The following CACNA2D3 variants were observed in gnomAD, a reference collection of about 807,000 sequenced individuals.
CACNA2D3 encodes calcium voltage-gated channel auxiliary subunit alpha2delta 3.
A neutral mutation model predicts 160.6 loss-of-function variants in CACNA2D3; 60 were observed. That is an observed-to-expected ratio of 0.37 (90% confidence interval 0.30 to 0.46). The LOEUF (loss-of-function observed/expected upper bound fraction) is 0.46. CACNA2D3 is among the 20% of genes least tolerant of loss of function. CACNA2D3 has a pLI of 1.00. For synonymous variants in CACNA2D3, 558 were observed against 492.9 expected, an observed-to-expected ratio of 1.13 and a Z score of -1.75; for missense variants, 1,205 against 1,365.0, an observed-to-expected ratio of 0.88 and a Z score of 1.85.
intron 3 of CACNA2D3, among the ~76,000 whole-genome samples, chr3:54,323,770 C>A (rs1356319218): frequency 6.6e-6 from 1 of 152,082 alleles, no homozygotes; most frequent in Non-Finnish European, 1.5e-5. Flanking sequence ...TGGGCCCCCA[C>A]CCCGCTATTT....
chr3:54,215,992 T>A lies in CACNA2D3; in HGVS notation c.204+92398T>A, dbSNP rs539456237. Among the ~76,000 whole-genome samples the A allele has an allele frequency of 1.3e-5, 2 of 152,316 alleles. 1 individual carries two copies. The highest frequency in any genetic ancestry group is 4.1e-4 in the South Asian group (2 of 4,830). On this transcript the variant is annotated intron_variant, in intron 2 of 37. Coordinates refer to ENST00000474759, the MANE Select transcript of CACNA2D3 (RefSeq NM_018398.3). ...TGTGTGTCCTCTTTAATGTTCTTAG[T>A]TGGTTAAATAAAAACCCGTCAGTCC...
chr3:54,626,611 G>A (rs924294818), intron 9 of CACNA2D3: 93 of 1,427,266 alleles, frequency 6.5e-5, no homozygotes, highest in Middle Eastern at 2.0e-4. Context: ...GCCCGGCATC[G>A]GGGCCAGCCA....
At chr3:54,223,737 G>A (rs529254210) in intron 2 of CACNA2D3, among the ~76,000 whole-genome samples, 83 of 151,266 alleles carry the variant, frequency 5.5e-4, no homozygotes, top group East Asian at 1.8e-3. Flanking sequence ...GCTGAATCCC[G>A]TCTACTCAGG....
At chr3:54,687,307 A>ATTTT (rs35541501) in intron 11 of CACNA2D3, among the ~76,000 whole-genome samples, 1 of 128,004 alleles carries the variant, frequency 7.8e-6, no homozygotes, top group Admixed American at 7.9e-5. Flanking sequence ...AGCCTGGCTA[A>ATTTT]TTTTTTTTTT....
intron 10 of CACNA2D3, among the ~76,000 whole-genome samples, chr3:54,629,279 G>C (rs192514052): frequency 6.6e-6 from 1 of 152,038 alleles, no homozygotes; most frequent in Admixed American, 6.5e-5. Flanking sequence ...CCAGGCAGGT[G>C]AGTCATTCAC....
At chr3:54,910,788 C>T (rs1488028359) in intron 27 of CACNA2D3, among the ~76,000 whole-genome samples, 14 of 152,212 alleles carry the variant, frequency 9.2e-5, no homozygotes, top group Non-Finnish European at 2.1e-4. Flanking sequence ...GTCCTGATTG[C>T]ATTCACACCC....
intron 2 of CACNA2D3, among the ~76,000 whole-genome samples, chr3:54,221,021 G>T (rs1387946667): frequency 3.3e-5 from 5 of 152,182 alleles, no homozygotes; most frequent in Non-Finnish European, 7.3e-5. Flanking sequence ...AGGTGAGGAA[G>T]AATTTGCTAT....
intron 14 of CACNA2D3, among the ~76,000 whole-genome samples, chr3:54,823,819 T>C (rs749891734): frequency 2.0e-5 from 3 of 152,220 alleles, no homozygotes; most frequent in Non-Finnish European, 4.4e-5. Context: ...AGTGGCTATT[T>C]CCTAGTGGTA....
intron 13 of CACNA2D3, among the ~76,000 whole-genome samples, chr3:54,809,951 ACAC>A (rs1451348365): frequency 6.6e-6 from 1 of 152,236 alleles, no homozygotes; most frequent in Non-Finnish European, 1.5e-5. Context: ...GAGGAAGATT[ACAC>A]AGTGCAACAA....
intron 25 of CACNA2D3, chr3:54,894,895 A>C: frequency 6.3e-6 from 2 of 318,930 alleles, no homozygotes; most frequent in Non-Finnish European, 1.3e-5. Context: ...CCTGATCTCC[A>C]GCATTCTAGA....
chr3:54,667,010 C>A (rs561494700), intron 11 of CACNA2D3, among the ~76,000 whole-genome samples: 1 of 152,302 alleles, frequency 6.6e-6, no homozygotes, highest in South Asian at 2.1e-4. Flanking sequence ...GTCAGAAGAG[C>A]CATTCATGAA....
intron 17 of CACNA2D3, among the ~76,000 whole-genome samples, chr3:54,861,513 GA>G (rs1166945372): frequency 6.6e-6 from 1 of 152,126 alleles, no homozygotes; most frequent in African/African-American, 2.4e-5. Context: ...AGGACATGAG[GA>G]GCTATGAGGA....
chr3:54,821,634 GTCTTTCGTTCTT>G (rs1435831039), intron 14 of CACNA2D3, among the ~76,000 whole-genome samples: 104 of 140,496 alleles, frequency 7.4e-4, no homozygotes, highest in African/African-American at 1.0e-3. Context: ...TTTTTCTAGA[GTCTTTCGTTCTT>G]TCTTTCTTTC....
intron 21 of CACNA2D3, among the ~76,000 whole-genome samples, chr3:54,881,373 C>A (rs1029011854): frequency 6.6e-6 from 1 of 152,140 alleles, no homozygotes; most frequent in African/African-American, 2.4e-5. Flanking sequence ...GAAATGTGAC[C>A]ATTTAAATGA....
chr3:54,583,509 G>A (rs1305511563), intron 9 of CACNA2D3, among the ~76,000 whole-genome samples: 1 of 152,126 alleles, frequency 6.6e-6, no homozygotes, highest in African/African-American at 2.4e-5. Flanking sequence ...ACAAGTATAG[G>A]TTGAGTATTC....
chr3:54,448,726 T>C (rs1359487051), intron 4 of CACNA2D3, among the ~76,000 whole-genome samples: 1 of 152,256 alleles, frequency 6.6e-6, no homozygotes, highest in African/African-American at 2.4e-5. Context: ...ATTGTGTTTG[T>C]GAACCCAGTG....
chr3:54,153,479 A>C (rs1700187420), intron 2 of CACNA2D3, among the ~76,000 whole-genome samples: 1 of 152,248 alleles, frequency 6.6e-6, no homozygotes, highest in Non-Finnish European at 1.5e-5. Context: ...AGTATCTGCC[A>C]TGTGTTAGGC....
At chr3:54,365,858 T>C (rs937923702) in intron 3 of CACNA2D3, among the ~76,000 whole-genome samples, 1 of 152,060 alleles carries the variant, frequency 6.6e-6, no homozygotes, top group Non-Finnish European at 1.5e-5. Context: ...CGAGACTCCA[T>C]CTCAAAATAA....
intron 27 of CACNA2D3, among the ~76,000 whole-genome samples, chr3:54,904,627 G>C (rs1335360227): frequency 6.6e-6 from 1 of 152,056 alleles, no homozygotes; most frequent in African/African-American, 2.4e-5. Flanking sequence ...AGATAGTTTT[G>C]AACTCTTTAA....
Sources: allele counts gnomAD v4.1 joint callset (sites outside exome capture counted in the v4.1 genomes callset), GRCh38; gene constraint gnomAD v4.1.1; transcripts MANE v1.5; gene names NCBI Gene and HGNC (gene_info 2026-07-23, HGNC 2026-07-21).